NEO1: variants seen among roughly 807,000 people sequenced by gnomAD.
NEO1 encodes neogenin.
NEO1 carries 63 observed loss-of-function variants against 159.7 expected under a neutral mutation model. The observed-to-expected ratio is 0.39, with a 90% CI of 0.32 to 0.49. The LOEUF (loss-of-function observed/expected upper bound fraction) is 0.49, where lower values mean the gene tolerates loss of function less well. NEO1 is among the 20% of genes least tolerant of loss of function. NEO1 has a pLI of 0.85. For synonymous variants in NEO1, 633 were observed against 662.0 expected (o/e 0.96, Z 0.67); for missense variants, 1,615 against 1,831.0 (o/e 0.88, Z 2.15).
chr15:73,168,372 C>CG (rs1159565299), intron 5 of NEO1, among the ~76,000 whole-genome samples: 5 of 19,988 alleles, frequency 2.5e-4, no homozygotes, highest in African/African-American at 7.0e-4. Context: ...TTAGTAGAGA[C>CG]GGGGGGTGGG....
intron 1 of NEO1, among the ~76,000 whole-genome samples, chr15:73,075,727 G>T (rs1227072262): frequency 6.6e-6 from 1 of 152,116 alleles, no homozygotes; most frequent in Non-Finnish European, 1.5e-5. Flanking sequence ...TGCCCAATCA[G>T]TTGAGCCAAA....
intron 4 of NEO1, among the ~76,000 whole-genome samples, chr15:73,130,369 A>G (rs1441519809): frequency 6.7e-6 from 1 of 149,656 alleles, no homozygotes; most frequent in Non-Finnish European, 1.5e-5. Flanking sequence ...CATATATCCC[A>G]GACTTGGAGC....
intron 5 of NEO1, among the ~76,000 whole-genome samples, chr15:73,168,514 T>C (rs1047043168): frequency 3.7e-4 from 56 of 151,934 alleles, no homozygotes; most frequent in African/African-American, 1.3e-3. Flanking sequence ...TACTTTTAAT[T>C]AGTATCAGAT....
chr15:73,052,609 C>T lies in NEO1; in HGVS notation c.-67C>T. 1 of 1,034,274 alleles carries T rather than the reference C, an allele frequency of 9.7e-7. No homozygotes were observed. The highest frequency in any genetic ancestry group is 1.2e-6 in the Non-Finnish European group (1 of 826,310). The allele number at this position is 1,034,274 out of a possible 1,614,324, so 64.1% of individuals were successfully genotyped here. A position where few individuals can be genotyped will look rare whatever the true frequency, so the allele number is the denominator to read the frequency against. ...GCAGCGAGGGACCGGCTGAGGCGCG[C>T]GGGAGGGAAGGAGGCAAGGGCTCCG... On this transcript the variant is annotated 5_prime_UTR_variant, in exon 1 of 29. Coordinates refer to ENST00000261908, the MANE Select transcript of NEO1 (RefSeq NM_002499.4).
At chr15:73,128,016 TC>T (rs1399012484) in intron 4 of NEO1, among the ~76,000 whole-genome samples, 1 of 152,188 alleles carries the variant, frequency 6.6e-6, no homozygotes, top group Non-Finnish European at 1.5e-5. Context: ...TATCTAGTTA[TC>T]TGGGTGATCA....
intron 18 of NEO1, among the ~76,000 whole-genome samples, chr15:73,271,119 T>C (rs2041148326): frequency 6.6e-6 from 1 of 152,220 alleles, no homozygotes; most frequent in African/African-American, 2.4e-5. Context: ...AAACTGGGCT[T>C]GGCCTCAGTG....
rs765936558 is a variant in NEO1 at position 73,135,974 on chromosome 15, T to A, written c.962T>A (p.Ile321Lys). The change falls in exon 5 of 29, where the codon ATA (isoleucine) becomes AAA (lysine). Residue 321 changes from isoleucine to lysine, a missense_variant. Around this residue, in one of 3 missense-constraint regions of NEO1, gnomAD observed 1,018 missense variants for 1,115.4 expected, o/e 0.91. Transcript: ENST00000261908. ...GATGATGCTGGGACTTATTTTTGTA[T>A]AGCTGATAATGGAAATGAGACAATT... Reference protein sequence around the residue: ...TEDDAGTYFCIADNGNETIEA... With the variant: ...TEDDAGTYFCKADNGNETIEA... The A allele has an allele frequency of 2.5e-6, 4 of 1,611,942 alleles. No individual in the cohort carries two copies. The South Asian group carries it at 4.4e-5, about 18-fold the overall frequency.
chr15:73,107,294 T>G (rs1194127468), intron 1 of NEO1, among the ~76,000 whole-genome samples: 1 of 152,196 alleles, frequency 6.6e-6, no homozygotes, highest in Non-Finnish European at 1.5e-5. Flanking sequence ...CAGATTCACA[T>G]ACAAAATTAA....
At chr15:73,144,977 T>A (rs2032762785) in intron 5 of NEO1, among the ~76,000 whole-genome samples, 1 of 152,212 alleles carries the variant, frequency 6.6e-6, no homozygotes, top group Non-Finnish European at 1.5e-5. Flanking sequence ...ACTGCAGTAG[T>A]TTCCTAACTG....
rs997316733 is a variant in NEO1 at position 73,222,432 on chromosome 15, G to A, written c.1292-13915G>A. On this transcript the variant is annotated intron_variant, in intron 7 of 28. Coordinates refer to ENST00000261908, the MANE Select transcript of NEO1 (RefSeq NM_002499.4). ...ATTTTTAAATTACCATTTCAATCTC[G>A]CTGCTTGTTATTGATCTATTTAGAG... Among the ~76,000 whole-genome samples, 41 of 151,758 alleles carry A rather than the reference G, an allele frequency of 2.7e-4. 1 individual carries two copies. Among genetic ancestry groups the A allele is most frequent in the Non-Finnish European group, 5.6e-4 (38 of 67,972 alleles).
At chr15:73,096,621 G>T (rs1211262315) in intron 1 of NEO1, among the ~76,000 whole-genome samples, 1 of 152,148 alleles carries the variant, frequency 6.6e-6, no homozygotes, top group Non-Finnish European at 1.5e-5. Flanking sequence ...CAAAATTTTA[G>T]CAGAAAATTG....
chr15:73,148,987 T>G (rs1280693990), intron 5 of NEO1, among the ~76,000 whole-genome samples: 1 of 151,850 alleles, frequency 6.6e-6, no homozygotes, highest in Non-Finnish European at 1.5e-5. Flanking sequence ...GACCCTCCAT[T>G]CCTTGTTTAG....
chr15:73,296,271 C>A (rs1170737700), intron 26 of NEO1, among the ~76,000 whole-genome samples: 2 of 152,172 alleles, frequency 1.3e-5, no homozygotes, highest in African/African-American at 4.8e-5. Flanking sequence ...ACTGTTCTCT[C>A]TCCTCCTCCC....
At chr15:73,176,027 A>G (rs1363562424) in intron 5 of NEO1, among the ~76,000 whole-genome samples, 3 of 152,176 alleles carry the variant, frequency 2.0e-5, no homozygotes, top group South Asian at 4.1e-4. Flanking sequence ...AGTTTTATCA[A>G]TCTTTTCCAC....
At chr15:73,079,870 G>A (rs932818247) in intron 1 of NEO1, among the ~76,000 whole-genome samples, 23 of 152,170 alleles carry the variant, frequency 1.5e-4, no homozygotes, top group African/African-American at 5.5e-4. Flanking sequence ...ATTAGAGGAA[G>A]GAATGAGAGA....
intron 5 of NEO1, among the ~76,000 whole-genome samples, chr15:73,138,882 T>C (rs2032092399): frequency 6.6e-6 from 1 of 152,176 alleles, no homozygotes. Context: ...CTAGGCAGGC[T>C]TGGAGCTATT....
In NEO1 at chr15:73,277,731, A is replaced by G. The variant is rs143345129; in HGVS notation, c.3194-400A>G. On this transcript the variant is annotated intron_variant, in intron 21 of 28. Transcript: ENST00000261908. ...ACATAGCCAGGTCCCTTGGAAGAGT[A>G]TAGTTCTTTAATGTAGACATTAACC... Among the ~76,000 whole-genome samples the G allele has an allele frequency of 2.8e-3, 434 of 152,346 alleles. 3 individuals are homozygous for G. Among genetic ancestry groups the G allele is most frequent in the Non-Finnish European group, 2.3e-3 (155 of 68,038 alleles).
chr15:73,074,181 C>G lies in NEO1; in HGVS notation c.130+21376C>G, dbSNP rs368983609. Among the ~76,000 whole-genome samples the G allele has an allele frequency of 4.3e-4, 65 of 152,290 alleles. 1 individual carries two copies. Among genetic ancestry groups the G allele is most frequent in the Middle Eastern group, 6.8e-3 (2 of 294 alleles). ...GTCTAAACAGATAAAGGTATCAGCT[C>G]AGGCATAGTTCAGGTACCTTGTAAA... On this transcript the variant is annotated intron_variant, in intron 1 of 28. Coordinates refer to ENST00000261908, the MANE Select transcript of NEO1 (RefSeq NM_002499.4).
At chr15:73,115,146 G>A (rs2071229576) in intron 1 of NEO1, among the ~76,000 whole-genome samples, 1 of 152,060 alleles carries the variant, frequency 6.6e-6, no homozygotes, top group Admixed American at 6.5e-5. Context: ...AGGTTCAAGT[G>A]ATTTTCCCGC....
Sources: gnomAD v4.1 joint callset for allele counts (sites outside exome capture counted in the v4.1 genomes callset) on GRCh38, gnomAD v4.1.1 for gene constraint, gnomAD v4.1.1 regional missense constraint, MANE v1.5 for transcripts, NCBI Gene and HGNC (gene_info 2026-07-23, HGNC 2026-07-21) for gene names.